Variants in DENND4B observed in about 807,000 individuals in gnomAD.
The protein encoded by DENND4B is DENN domain containing 4B.
In DENND4B, 67 loss-of-function variants were observed where a neutral mutation model predicts 161.0. That is an observed-to-expected ratio of 0.42 (90% confidence interval 0.34 to 0.51). The LOEUF is 0.51. DENND4B is among the 20% of genes least tolerant of loss of function. DENND4B has a pLI of 0.08. For synonymous variants in DENND4B, 753 were observed against 813.8 expected, an observed-to-expected ratio of 0.93 and a Z score of 1.27; for missense variants, 1,481 against 1,968.0, an observed-to-expected ratio of 0.75 and a Z score of 4.68.
chr1:153,945,032 T>A, intron 1 of DENND4B: 1 of 1,206,792 alleles, frequency 8.3e-7, no homozygotes, highest in Non-Finnish European at 1.1e-6. Flanking sequence ...CTTAGGTAGC[T>A]CGTTAGATCC....
chr1:153,941,359 A>T lies in DENND4B; in HGVS notation c.1122+15T>A, dbSNP rs1679659451. On this transcript the variant is annotated intron_variant, in intron 7 of 27. Coordinates refer to ENST00000361217, the MANE Select transcript of DENND4B (RefSeq NM_014856.3). Reference sequence around the variant, plus strand: ...CCCCTCCTTCCATCAGCCCGGCCCCAGCCTCAGCTCTCACCTGCACTAGGA... The same window carrying T: ...CCCCTCCTTCCATCAGCCCGGCCCCTGCCTCAGCTCTCACCTGCACTAGGA... 6.2e-7 allele frequency: 1 copy of T among 1,613,462 alleles called. No homozygotes were observed. Among genetic ancestry groups the T allele is most frequent in the Admixed American group, 1.7e-5 (1 of 59,928 alleles).
rs765925737 is a variant in DENND4B, at chr1:153,943,023, C to T, written c.425G>A (p.Arg142His). Reference sequence around the variant, plus strand: ...TGCCCGCCGGTAAGTGAGGTAGGTGCGGGGGTGCCCGGGGCCTGGAGGGGC... The same window carrying T: ...TGCCCGCCGGTAAGTGAGGTAGGTGTGGGGGTGCCCGGGGCCTGGAGGGGC... ...NLAPPGPGHP[R>H]TYLTYRRAAE... Residue 142 changes from arginine to histidine, a missense_variant, in exon 3 of 28, where the codon CGC becomes CAC. Arg to His is a conservative substitution (Grantham distance 29). Coordinates refer to ENST00000361217, the MANE Select transcript of DENND4B (RefSeq NM_014856.3). 17 of 1,613,866 alleles carry T rather than the reference C, an allele frequency of 1.1e-5. No homozygotes were observed. Among genetic ancestry groups the T allele is most frequent in the African/African-American group, 6.7e-5 (5 of 74,928 alleles).
In DENND4B at chr1:153,940,394, C is replaced by T. The variant is rs374686600; in HGVS notation, c.1502+37G>A. The stretch of plus-strand genomic sequence containing the variant: ...CCACACACTAGCCCATTCCTGCCCA[C>T]CACCCTGCAGCCCCCAAATGAGACC... On this transcript the variant is annotated intron_variant, in intron 10 of 27. Coordinates refer to ENST00000361217, the MANE Select transcript of DENND4B (RefSeq NM_014856.3). The surrounding 1 kb of genome is among the most constrained non-coding windows in gnomAD (Gnocchi z 5.6). 1 of 1,601,384 alleles carries T rather than the reference C, an allele frequency of 6.2e-7. No homozygotes were observed. Among genetic ancestry groups the T allele is most frequent in the South Asian group, 1.1e-5 (1 of 89,322 alleles).
Position 153,944,107 on chromosome 1 carries a change from C to T in DENND4B, c.268G>A (p.Val90Ile), listed in dbSNP as rs200116588. Residue 90 changes from valine (V) to isoleucine (I), a missense_variant, in exon 2 of 28, where the codon GTC (valine) becomes ATC (isoleucine). By Grantham distance (29) the Val-to-Ile change is conservative. This residue lies in a region of DENND4B where 806 missense variants were observed against 1,134.4 expected (regional missense o/e 0.71). Transcript: ENST00000361217. This position sits in a 1 kb window ranked among gnomAD's most constrained non-coding sequence, Gnocchi z 4.8. ...TCACGGCCCCTGCGGTAGCAGATGA[C>T]GGGTTGAGTTCCACCCAGAAGTCCA... ...SAGLLGGTQP[V>I]ICYRRGRDKP... is the part of the protein sequence containing the mutation. 191 of 1,603,850 alleles carry T rather than the reference C, an allele frequency of 1.2e-4. No homozygotes were observed. Among genetic ancestry groups the T allele is most frequent in the African/African-American group, 8.2e-4 (61 of 74,782 alleles).
At position 153,934,382 on chromosome 1, in the gene DENND4B, A is replaced by C; in HGVS notation, c.2774-80T>G. On this transcript the variant is annotated intron_variant, in intron 18 of 27. Transcript: ENST00000361217. This position sits in a 1 kb window ranked among gnomAD's most constrained non-coding sequence, Gnocchi z 5.3. ...TTCCAAAATAGAGCTCCTTAGATGGACCAGGGTTTGCAGGGTTCCTCCCAG... is the reference window on the plus strand; with the variant it reads ...TTCCAAAATAGAGCTCCTTAGATGGCCCAGGGTTTGCAGGGTTCCTCCCAG... 1 of 1,491,584 alleles carries C rather than the reference A, an allele frequency of 6.7e-7. No homozygotes were observed. The highest frequency in any genetic ancestry group is 1.3e-5 in the South Asian group (1 of 77,152). 92.4% of individuals were successfully genotyped at this position (1,491,584 alleles called of 1,614,324 possible).
chr1:153,946,000 G>C (rs1348908553), intron 1 of DENND4B, among the ~76,000 whole-genome samples: 1 of 152,226 alleles, frequency 6.6e-6, no homozygotes, highest in African/African-American at 2.4e-5. Context: ...CAGAGAAGCA[G>C]GCGCGCCGGC....
At position 153,933,674 on chromosome 1, in the gene DENND4B, G is replaced by C; in HGVS notation, c.3139C>G (p.Gln1047Glu). 4 of 1,571,616 alleles carry C rather than the reference G, an allele frequency of 2.5e-6. No individual in the cohort carries two copies. Among genetic ancestry groups the C allele is most frequent in the Non-Finnish European group, 3.4e-6 (4 of 1,159,892 alleles). ...CGTCGGGGGGTGCCTGCCTCATCCT[G>C]TCGCCCACCAGCCTTGGGTCCCCGC... ...SGRGPKAGGR[Q>E]DEAGTPRRGL... Residue 1047 changes from glutamine (Q) to glutamate (E), a missense_variant, in exon 20 of 28, where the codon CAG (glutamine) becomes GAG (glutamate). Transcript: ENST00000361217. The surrounding 1 kb of genome is among the most constrained non-coding windows in gnomAD (Gnocchi z 5.7).
intron 13 of DENND4B, 101 bp downstream of exon 13, chr1:153,938,799 C>G (rs1050658083): frequency 8.4e-7 from 1 of 1,190,034 alleles, no homozygotes. Context: ...TACAGCCATA[C>G]CACCCTGAAC....
Position 153,937,498 on chromosome 1 carries a change from C to T in DENND4B, c.2222G>A (p.Arg741His), listed in dbSNP as rs1470438978. The T allele has an allele frequency of 1.9e-6, 3 of 1,559,640 alleles. No homozygotes were observed. The highest frequency in any genetic ancestry group is 2.6e-6 in the Non-Finnish European group (3 of 1,151,868). The change falls in exon 15 of 28, where the codon CGT becomes CAT. Residue 741 changes from arginine (R) to histidine (H), a missense_variant. Physicochemically the swap from Arg to His is conservative, Grantham distance 29. This residue lies in a region of DENND4B where 806 missense variants were observed against 1,134.4 expected (regional missense o/e 0.71). Coordinates refer to ENST00000361217, the MANE Select transcript of DENND4B (RefSeq NM_014856.3). This position sits in a 1 kb window ranked among gnomAD's most constrained non-coding sequence, Gnocchi z 4.7. ...CCACCCACTGCTTACCTGTTTGGTA[C>T]GGCGAGGAGCAGGACTGCTGGGGGC... The part of the protein sequence containing the change: ...RSAPSSPAPR[R>H]TKQEMKVAQR...
At position 153,946,173 on chromosome 1, in the gene DENND4B, A is replaced by C. The variant is rs1571064057; in HGVS notation, c.-24+128T>G. ...TCCCCTCCACTTTCACTTCCCCAGG[A>C]GAGAGGAACCGGAACCAGATGTGCA... On this transcript the variant is annotated intron_variant, in intron 1 of 27. Coordinates refer to ENST00000361217, the MANE Select transcript of DENND4B (RefSeq NM_014856.3). The surrounding 1 kb of genome is among the most constrained non-coding windows in gnomAD (Gnocchi z 6.3). 3.4e-6 allele frequency: 1 copy of C among 298,188 alleles called. No homozygotes were observed. Among genetic ancestry groups the C allele is most frequent in the Admixed American group, 5.1e-5 (1 of 19,556 alleles). The allele number at this position is 298,188 out of a possible 1,614,324, so 18.5% of individuals were successfully genotyped here. A position where few individuals can be genotyped will look rare whatever the true frequency, so the allele number is the denominator to read the frequency against.
In DENND4B at chr1:153,942,066, C is replaced by T. The variant is rs754594940; in HGVS notation, c.858G>A (p.Arg286=). ...GTGCCCGTGCCTGTCGCTCTGATAG[C>T]CTGGCCCTTGGGAACGCCTCGTAGA... ...LQFYEAFPRA[R]LSERQARALG... The change falls in exon 6 of 28, where the codon AGG becomes AGA. Residue 286 remains arginine (R), a synonymous_variant. Coordinates refer to ENST00000361217, the MANE Select transcript of DENND4B (RefSeq NM_014856.3). The surrounding 1 kb of genome is among the most constrained non-coding windows in gnomAD (Gnocchi z 6.9). 11 of 1,612,532 alleles carry T rather than the reference C, an allele frequency of 6.8e-6. No homozygotes were observed. The highest frequency in any genetic ancestry group is 9.3e-6 in the Non-Finnish European group (11 of 1,179,356).
intron 1 of DENND4B, chr1:153,945,047 C>A: frequency 8.0e-7 from 1 of 1,251,672 alleles, no homozygotes; most frequent in Non-Finnish European, 1.0e-6. Context: ...AGATCCAAAG[C>A]AGTTGTGAGA....
rs908087442 is a variant in DENND4B, at chr1:153,930,051, C to A, written c.*246G>T. ...GGTATAGGACAAGGGAAGAACAGAG[C>A]TGTACCAACTCCCCCCAGATCTCCC... On this transcript the variant is annotated 3_prime_UTR_variant, in exon 28 of 28. Transcript: ENST00000361217. The surrounding 1 kb of genome is among the most constrained non-coding windows in gnomAD (Gnocchi z 4.7). 5 of 564,338 alleles carry A rather than the reference C, an allele frequency of 8.9e-6. No individual in the cohort carries two copies. In the African/African-American group the frequency reaches 9.4e-5, roughly 11 times the overall value. The allele number at this position is 564,338 out of a possible 1,614,324, so 35.0% of individuals were successfully genotyped here.
In DENND4B at chr1:153,931,045, G is replaced by A; in HGVS notation, c.4016C>T (p.Thr1339Ile). ...TACCTGAACAGAGGCTGGATCAGGGGTTAGCCAAGGAGATGGGGCCTGGGG... is the reference window on the plus strand; with the variant it reads ...TACCTGAACAGAGGCTGGATCAGGGATTAGCCAAGGAGATGGGGCCTGGGG... ...SHSQAPSPWL[T>I]PDPASVQVRL... is the part of the protein sequence containing the mutation. The change falls in exon 25 of 28, where the codon ACC becomes ATC. Residue 1339 changes from threonine to isoleucine, a missense_variant. This residue lies in a region of DENND4B where 336 missense variants were observed against 503.3 expected (regional missense o/e 0.67). Transcript: ENST00000361217. The A allele has an allele frequency of 6.2e-7, 1 of 1,611,722 alleles. No individual in the cohort carries two copies. Among genetic ancestry groups the A allele is most frequent in the Non-Finnish European group, 8.5e-7 (1 of 1,179,032 alleles).
chr1:153,942,624 C>T lies in DENND4B; in HGVS notation c.572G>A (p.Trp191Ter). The change falls in exon 4 of 28, where the codon TGG (tryptophan) becomes TAG (stop). Residue 191 changes from tryptophan (W) to a stop codon, truncating the protein, a stop_gained and splice_region_variant. Coordinates refer to ENST00000361217, the MANE Select transcript of DENND4B (RefSeq NM_014856.3). LOFTEE classifies it high-confidence loss of function. The surrounding 1 kb of genome is among the most constrained non-coding windows in gnomAD (Gnocchi z 6.9). ...ATAGCACAGGTACACTGCTGGGCCC[C>T]ACTACCCCAGAAATGGCAAGAGACA... ...RLPRNLNPGM[W>*]GPAVYLCYKV... The T allele has an allele frequency of 6.3e-7, 1 of 1,588,200 alleles. No homozygotes were observed.
At position 153,940,640 on chromosome 1, in the gene DENND4B, G is replaced by A. The variant is rs772696662; in HGVS notation, c.1327-34C>T. The A allele has an allele frequency of 1.9e-6, 3 of 1,601,456 alleles. No individual in the cohort carries two copies. The highest frequency in any genetic ancestry group is 2.7e-5 in the African/African-American group (2 of 74,674). ...CCAGGCAGTGAGAACCAGTGAACAG[G>A]GGGTTGAGGCAGCAGTGGGAGGCAC... On this transcript the variant is annotated intron_variant, in intron 9 of 27. Transcript: ENST00000361217. This position sits in a 1 kb window ranked among gnomAD's most constrained non-coding sequence, Gnocchi z 5.6.
chr1:153,931,881 A>G (rs1273614454), intron 24 of DENND4B, among the ~76,000 whole-genome samples: 1 of 141,696 alleles, frequency 7.1e-6, no homozygotes, highest in Non-Finnish European at 1.5e-5. Flanking sequence ...TCGGCTCACC[A>G]CAACCTCCGC....
At chr1:153,938,827 A>C (rs1043265284) in intron 13 of DENND4B, 73 bp downstream of exon 13, 96 of 1,523,626 alleles carry the variant, frequency 6.3e-5, no homozygotes, top group Non-Finnish European at 8.5e-5. Flanking sequence ...ATTCCGTCTA[A>C]AATGGCCTTG....
Position 153,944,276 on chromosome 1 carries a change from T to A in DENND4B, c.99A>T (p.Glu33Asp). Residue 33 changes from glutamate (E) to aspartate (D), a missense_variant, in exon 2 of 28, where the codon GAA becomes GAT. By Grantham distance (45) the Glu-to-Asp change is conservative. Coordinates refer to ENST00000361217, the MANE Select transcript of DENND4B (RefSeq NM_014856.3). This position sits in a 1 kb window ranked among gnomAD's most constrained non-coding sequence, Gnocchi z 4.8. ...GGGGAGGGCGCAGGGGCCCACTGGG[T>A]TCAGGAACCCACGTTTCCTCAGGGA... ...APIPEETWVP[E>D]PSGPLRPPRP... 6.2e-7 allele frequency: 1 copy of A among 1,603,172 alleles called. No individual in the cohort carries two copies. The highest frequency in any genetic ancestry group is 8.5e-7 in the Non-Finnish European group (1 of 1,173,948).
Sources: allele counts gnomAD v4.1 joint callset (sites outside exome capture counted in the v4.1 genomes callset), GRCh38; gene constraint gnomAD v4.1.1; regional missense constraint gnomAD v4.1.1; non-coding constraint Gnocchi (gnomAD v3.1); transcripts MANE v1.5; gene names NCBI Gene and HGNC (gene_info 2026-07-23, HGNC 2026-07-21).